Variants in RGS6 observed in about 807,000 individuals in gnomAD.
RGS6 encodes regulator of G protein signaling 6.
RGS6 carries 30 observed loss-of-function variants against 78.5 expected under a neutral mutation model. The observed-to-expected ratio is 0.38, with a 90% confidence interval of 0.29 to 0.52. The LOEUF is 0.52. Among genes scored for constraint, RGS6 ranks in the 20% least tolerant of loss-of-function variants. The pLI is 0.85. For missense variants in RGS6, 495 were observed against 609.7 expected (o/e 0.81, Z 1.98); for synonymous variants, 206 against 206.0 (o/e 1.00, Z 0.00).
Position 71,932,864 on chromosome 14 carries a change from A to G in RGS6, c.-98A>G, listed in dbSNP as rs1566856387. The stretch of plus-strand genomic sequence containing the variant: ...TTCCCTGGGCTTCTCCAGCTTTATC[A>G]TGAACCTGGCGCAAGGTTGGCTTTA... On this transcript the variant is annotated 5_prime_UTR_variant, in exon 1 of 18. It removes an upstream start codon present in the reference 5' UTR. Transcript: ENST00000553525. 1.3e-5 allele frequency: 2 copies of G among 152,284 alleles called. No individual in the cohort carries two copies. Among genetic ancestry groups the G allele is most frequent in the Non-Finnish European group, 2.9e-5 (2 of 68,076 alleles). The allele number at this position is 152,284 out of a possible 1,614,324, so 9.4% of individuals were successfully genotyped here. A position where few individuals can be genotyped will look rare whatever the true frequency, so the allele number is the denominator to read the frequency against.
At chr14:72,152,234 G>C (rs1225293345) in intron 2 of RGS6, among the ~76,000 whole-genome samples, 1 of 137,452 alleles carries the variant, frequency 7.3e-6, no homozygotes, top group South Asian at 2.5e-4. Context: ...GAGAGAGAGA[G>C]AGAGAGAGAG....
intron 2 of RGS6, among the ~76,000 whole-genome samples, chr14:72,085,235 A>C (rs2094980186): frequency 6.6e-6 from 1 of 152,222 alleles, no homozygotes; most frequent in African/African-American, 2.4e-5. Context: ...TCTGCATGAC[A>C]GCAGAAGGCG....
At chr14:72,440,012 A>G (rs1481201910) in intron 3 of RGS6, among the ~76,000 whole-genome samples, 1 of 152,108 alleles carries the variant, frequency 6.6e-6, no homozygotes, top group Non-Finnish European at 1.5e-5. Flanking sequence ...TGTCTAAAGC[A>G]CCTTCCTTAC....
At chr14:72,148,764 A>G (rs1459995119) in intron 2 of RGS6, among the ~76,000 whole-genome samples, 1 of 152,180 alleles carries the variant, frequency 6.6e-6, no homozygotes, top group African/African-American at 2.4e-5. Context: ...ATAAAACAAG[A>G]TTTAGGAGGA....
chr14:71,911,410 A>G, the RGS6 span, among the ~76,000 whole-genome samples: 17 of 152,336 alleles, frequency 1.1e-4, no homozygotes, highest in African/African-American at 4.1e-4. Flanking sequence ...TGGGTCACAC[A>G]AGTATTCTGT....
intron 2 of RGS6, among the ~76,000 whole-genome samples, chr14:72,287,705 G>A (rs534696259): frequency 3.3e-5 from 5 of 152,230 alleles, no homozygotes; most frequent in South Asian, 4.1e-4. Flanking sequence ...TGATCTGCCC[G>A]CCTTGGCCTC....
At chr14:71,981,552 G>T (rs1462408556) in intron 2 of RGS6, among the ~76,000 whole-genome samples, 1 of 148,242 alleles carries the variant, frequency 6.7e-6, no homozygotes, top group African/African-American at 2.5e-5. Flanking sequence ...GCTGGGGGGT[G>T]CCTCCCAGTT....
chr14:72,411,901 C>A (rs12589357), intron 3 of RGS6, among the ~76,000 whole-genome samples: 30,962 of 152,044 alleles, frequency 0.2, 3,688 homozygotes, highest in South Asian at 0.36. Flanking sequence ...CCAGCCTTGC[C>A]TCCCAGGGAT....
intron 2 of RGS6, among the ~76,000 whole-genome samples, chr14:71,993,415 A>G (rs1188806412): frequency 2.0e-5 from 3 of 152,224 alleles, no homozygotes; most frequent in Non-Finnish European, 4.4e-5. Flanking sequence ...TAATAATAGT[A>G]ATAATAATGA....
chr14:72,147,660 G>A (rs2096623786), intron 2 of RGS6, among the ~76,000 whole-genome samples: 1 of 152,188 alleles, frequency 6.6e-6, no homozygotes. Flanking sequence ...TTATATTGCA[G>A]ATACAGACAG....
chr14:72,173,309 G>A (rs2097053766), intron 2 of RGS6, among the ~76,000 whole-genome samples: 1 of 152,222 alleles, frequency 6.6e-6, no homozygotes, highest in East Asian at 1.9e-4. Flanking sequence ...TAGTGCCAAA[G>A]TGGATAAACC....
the RGS6 span, among the ~76,000 whole-genome samples, chr14:71,877,233 T>C: frequency 6.6e-6 from 1 of 152,340 alleles, no homozygotes; most frequent in South Asian, 2.1e-4. Flanking sequence ...CCTTGCTAGG[T>C]TGGAGAAGTT....
rs181173824 is a variant in RGS6 at position 72,129,023 on chromosome 14, C to T, written c.84+164148C>T. On this transcript the variant is annotated intron_variant, in intron 2 of 17. Transcript: ENST00000553525. ...TTCTTTTAAAAAAGGTGTAAAGCCT[C>T]TTAAAAATTTTTGCTTTAAACTCCT... 3.0e-3 allele frequency among the ~76,000 whole-genome samples: 450 copies of T among 152,310 alleles called. 1 individual carries two copies. Among genetic ancestry groups the T allele is most frequent in the African/African-American group, 9.9e-3 (410 of 41,574 alleles).
intron 2 of RGS6, among the ~76,000 whole-genome samples, chr14:72,102,036 C>T (rs905749328): frequency 2.6e-5 from 4 of 152,184 alleles, no homozygotes; most frequent in Non-Finnish European, 5.9e-5. Context: ...TTGTCAGTGT[C>T]TGGTGCTTTA....
In RGS6 at chr14:72,009,913, G is replaced by T. The variant is rs114448367; in HGVS notation, c.84+45038G>T. ...AGTTCATAGTCCATTTGGTTCCTTT[G>T]CTGGAGGAATCTAAATCCTGGCTTG... is the stretch of plus-strand genomic sequence containing the variant. On this transcript the variant is annotated intron_variant, in intron 2 of 17. Transcript: ENST00000553525. Among the ~76,000 whole-genome samples the T allele has an allele frequency of 4.6e-3, 704 of 152,326 alleles. 5 individuals are homozygous for T. Among genetic ancestry groups the T allele is most frequent in the African/African-American group, 0.016 (683 of 41,580 alleles).
At chr14:72,182,653 A>T (rs1246830398) in intron 2 of RGS6, among the ~76,000 whole-genome samples, 1 of 152,186 alleles carries the variant, frequency 6.6e-6, no homozygotes, top group African/African-American at 2.4e-5. Flanking sequence ...CTTGGTTCAC[A>T]TGAGAGCAAA....
At chr14:72,356,141 G>T (rs536323670) in intron 3 of RGS6, among the ~76,000 whole-genome samples, 1 of 152,232 alleles carries the variant, frequency 6.6e-6, no homozygotes, top group African/African-American at 2.4e-5. Flanking sequence ...AGGTGATATG[G>T]TTTCACTCTG....
intron 3 of RGS6, among the ~76,000 whole-genome samples, chr14:72,444,930 C>T (rs555770986): frequency 3.8e-4 from 9 of 23,980 alleles, no homozygotes; most frequent in African/African-American, 1.1e-3. Flanking sequence ...GAAAATTATC[C>T]GCTGGACAAA....
intron 3 of RGS6, among the ~76,000 whole-genome samples, chr14:72,368,457 C>T (rs1301033789): frequency 6.6e-6 from 1 of 152,094 alleles, no homozygotes; most frequent in African/African-American, 2.4e-5. Context: ...ACATCCAAAC[C>T]ATTGCACTGT....
Sources: gnomAD v4.1 joint callset for allele counts (sites outside exome capture counted in the v4.1 genomes callset) on GRCh38, gnomAD v4.1.1 for gene constraint, MANE v1.5 for transcripts, NCBI Gene and HGNC (gene_info 2026-07-23, HGNC 2026-07-21) for gene names.